ZNRF1: variants seen among roughly 807,000 people sequenced by gnomAD.
ZNRF1 encodes the protein zinc and ring finger 1.
A neutral mutation model predicts 18.4 loss-of-function variants in ZNRF1; 3 were observed. The observed-to-expected ratio is 0.16, with a 90% CI of 0.07 to 0.42. The LOEUF is 0.42. Among genes scored for constraint, ZNRF1 ranks in the 10% least tolerant of loss-of-function variants. The pLI, the probability that ZNRF1 is intolerant of heterozygous loss-of-function variation, is 0.99. For synonymous variants in ZNRF1, 157 were observed against 144.2 expected, an observed-to-expected ratio of 1.09 and a Z score of -0.64; for missense variants, 310 against 329.8, an observed-to-expected ratio of 0.94 and a Z score of 0.47.
chr16:75,005,817 TAC>T (rs1167631877), intron 1 of ZNRF1, among the ~76,000 whole-genome samples: 1 of 152,234 alleles, frequency 6.6e-6, no homozygotes, highest in Admixed American at 6.5e-5. Context: ...GTCTCGAAAG[TAC>T]AGTCATGCAT....
At position 75,088,741 on chromosome 16, in the gene ZNRF1, G is replaced by A. The variant is rs77865960; in HGVS notation, c.425-4831G>A. ...TTGATGTCCTCATCTGTCAAATGGC[G>A]TTAATGATAGATAGTACCTACCTAC... On this transcript the variant is annotated intron_variant, in intron 1 of 4. Transcript: ENST00000335325. 5.5e-3 allele frequency among the ~76,000 whole-genome samples: 838 copies of A among 152,284 alleles called. 7 individuals carry two copies. The highest frequency in any genetic ancestry group is 8.3e-3 in the Non-Finnish European group (566 of 68,020).
intron 2 of ZNRF1, 39 bp downstream of exon 2, chr16:75,093,706 C>G (rs767452326): frequency 6.4e-7 from 1 of 1,559,996 alleles, no homozygotes. Flanking sequence ...CCAGAGCATC[C>G]GTCGGGGGAG....
At chr16:75,087,168 C>T (rs571205212) in intron 1 of ZNRF1, among the ~76,000 whole-genome samples, 6 of 152,300 alleles carry the variant, frequency 3.9e-5, no homozygotes, top group South Asian at 4.1e-4. Context: ...CATCCTTCCT[C>T]GGCTGCTCTG....
intron 1 of ZNRF1, among the ~76,000 whole-genome samples, chr16:75,092,689 G>C (rs752470445): frequency 5.9e-5 from 9 of 152,338 alleles, no homozygotes; most frequent in South Asian, 4.1e-4. Flanking sequence ...TTCTGTATCA[G>C]TTGAAACTCT....
chr16:75,093,551 T>C, intron 1 of ZNRF1, 21 bp from the exon 2 acceptor site: 1 of 1,593,892 alleles, frequency 6.3e-7, no homozygotes, highest in Non-Finnish European at 8.6e-7. Context: ...AAACATTTCA[T>C]CCCATTCTCC....
intron 1 of ZNRF1, among the ~76,000 whole-genome samples, chr16:75,032,209 A>G (rs961132561): frequency 9.5e-5 from 14 of 148,122 alleles, no homozygotes; most frequent in African/African-American, 3.5e-4. Context: ...TCCTGGGTTC[A>G]AGCAATTGTC....
chr16:75,033,304 G>A (rs947546682), intron 1 of ZNRF1, among the ~76,000 whole-genome samples: 7 of 150,564 alleles, frequency 4.6e-5, no homozygotes, highest in African/African-American at 1.5e-4. Context: ...ATTTTGATTG[G>A]GATTTTATTG....
intron 1 of ZNRF1, among the ~76,000 whole-genome samples, chr16:75,035,184 G>T (rs2035361992): frequency 7.1e-6 from 1 of 140,418 alleles, no homozygotes; most frequent in Non-Finnish European, 1.5e-5. Context: ...TGGGACTACA[G>T]GTGTGTGCAC....
intron 1 of ZNRF1, among the ~76,000 whole-genome samples, chr16:75,018,157 T>C (rs12443540): frequency 0.059 from 9,054 of 152,334 alleles, 483 homozygotes; most frequent in Admixed American, 0.12. Context: ...TGTAAGCTGT[T>C]AATATTTAAT....
intron 1 of ZNRF1, among the ~76,000 whole-genome samples, chr16:75,078,154 T>G (rs2035965475): frequency 1.3e-5 from 2 of 152,030 alleles, no homozygotes. Context: ...TTCACGGAGG[T>G]TCAGGAAATT....
intron 1 of ZNRF1, among the ~76,000 whole-genome samples, chr16:75,032,988 G>C (rs1208643263): frequency 6.6e-6 from 1 of 152,110 alleles, no homozygotes; most frequent in Middle Eastern, 3.2e-3. Context: ...ACTCCATCTG[G>C]GTGACAGAGC....
At chr16:75,029,569 C>T (rs2035272511) in intron 1 of ZNRF1, among the ~76,000 whole-genome samples, 1 of 151,242 alleles carries the variant, frequency 6.6e-6, no homozygotes, top group South Asian at 2.1e-4. Context: ...GAGTTCAAGA[C>T]CAGCCTGGCC....
chr16:75,051,455 C>T (rs1172015564), intron 1 of ZNRF1, among the ~76,000 whole-genome samples: 11 of 152,030 alleles, frequency 7.2e-5, no homozygotes, highest in South Asian at 4.2e-4. Flanking sequence ...GTGATCTGCC[C>T]GCCTTGGCCT....
intron 1 of ZNRF1, among the ~76,000 whole-genome samples, chr16:75,082,004 T>C (rs1392412112): frequency 6.6e-6 from 1 of 152,224 alleles, no homozygotes; most frequent in South Asian, 2.1e-4. Flanking sequence ...AGTTGGGGAC[T>C]TGATTCACAC....
chr16:75,047,460 A>G (rs560386543), intron 1 of ZNRF1, among the ~76,000 whole-genome samples: 70 of 152,332 alleles, frequency 4.6e-4, no homozygotes, highest in African/African-American at 1.4e-3. Flanking sequence ...GCCTGGCTCA[A>G]TTTATTTATT....
intron 2 of ZNRF1, chr16:75,095,591 G>A (rs745990617): frequency 5.2e-6 from 8 of 1,543,266 alleles, no homozygotes; most frequent in Non-Finnish European, 6.1e-6. Flanking sequence ...CACTGCGTTT[G>A]TTGTAGGAAG....
At chr16:75,021,296 C>T (rs1047386476) in intron 1 of ZNRF1, among the ~76,000 whole-genome samples, 4 of 152,186 alleles carry the variant, frequency 2.6e-5, no homozygotes, top group Admixed American at 6.5e-5. Context: ...GCCTCGGCCT[C>T]CCACGATGCT....
At chr16:75,079,208 G>A (rs777870716) in intron 1 of ZNRF1, among the ~76,000 whole-genome samples, 5 of 152,138 alleles carry the variant, frequency 3.3e-5, no homozygotes, top group Admixed American at 1.3e-4. Context: ...GGGGCCGGGC[G>A]CGGTGGCTCA....
At chr16:75,058,264 T>C (rs2035693728) in intron 1 of ZNRF1, among the ~76,000 whole-genome samples, 1 of 152,126 alleles carries the variant, frequency 6.6e-6, no homozygotes, top group Non-Finnish European at 1.5e-5. Flanking sequence ...CAATGGACGC[T>C]CCTTTGCTTT....
Sources: gnomAD v4.1 joint callset for allele counts (sites outside exome capture counted in the v4.1 genomes callset) on GRCh38, gnomAD v4.1.1 for gene constraint, MANE v1.5 for transcripts, NCBI Gene and HGNC (gene_info 2026-07-23, HGNC 2026-07-21) for gene names.